The following ZNF536 variants were observed in gnomAD, a reference collection of about 807,000 sequenced individuals.
The protein encoded by ZNF536 is zinc finger protein 536.
In ZNF536, 13 loss-of-function variants were observed where a neutral mutation model predicts 84.5. The observed-to-expected ratio is 0.15, with a 90% CI of 0.10 to 0.24. ZNF536 has a LOEUF of 0.24. Ranked by LOEUF, ZNF536 falls within the 10% of genes least tolerant of loss-of-function variation. The pLI, the probability that ZNF536 is intolerant of heterozygous loss-of-function variation, is 1.00. For synonymous variants in ZNF536, 811 were observed against 742.5 expected, an observed-to-expected ratio of 1.09 and a Z score of -1.50; for missense variants, 1,536 against 1,747.5, an observed-to-expected ratio of 0.88 and a Z score of 2.16.
chr19:30,524,606 G>A (rs2044499194), intron 2 of ZNF536, among the ~76,000 whole-genome samples: 1 of 152,166 alleles, frequency 6.6e-6, no homozygotes, highest in Non-Finnish European at 1.5e-5. Flanking sequence ...AAGTTATAGT[G>A]ACTGACCAAA....
intron 1 of ZNF536, among the ~76,000 whole-genome samples, chr19:30,422,205 T>G (rs1309316737): frequency 1.3e-5 from 2 of 152,130 alleles, no homozygotes; most frequent in African/African-American, 4.8e-5. Context: ...CCTTAGCTAC[T>G]GGAGAGTTTA....
chr19:30,308,499 G>A (rs1234646233), intron 2 of ZNF536, among the ~76,000 whole-genome samples: 12 of 152,130 alleles, frequency 7.9e-5, no homozygotes, highest in Non-Finnish European at 2.9e-5. Context: ...TCTAGCTGGA[G>A]AGAAATTCTT....
intron 2 of ZNF536, among the ~76,000 whole-genome samples, chr19:30,501,183 T>C (rs2054936023): frequency 6.6e-6 from 1 of 152,228 alleles, no homozygotes; most frequent in Admixed American, 6.5e-5. Flanking sequence ...TGCCCATATT[T>C]ACTAAAAGCT....
At chr19:30,474,749 A>C (rs2144706118) in intron 2 of ZNF536, among the ~76,000 whole-genome samples, 1 of 152,338 alleles carries the variant, frequency 6.6e-6, no homozygotes, top group East Asian at 1.9e-4. Context: ...ATTCATCATC[A>C]GTCATCATTA....
chr19:30,539,332 G>C (rs1463750638), intron 3 of ZNF536, among the ~76,000 whole-genome samples: 2 of 152,114 alleles, frequency 1.3e-5, no homozygotes, highest in Non-Finnish European at 2.9e-5. Context: ...ACTCCCCCTT[G>C]CTCAGCCTTT....
chr19:30,577,361 T>C (rs1171788995), intron 1 of ZNF536, among the ~76,000 whole-genome samples: 1 of 152,170 alleles, frequency 6.6e-6, no homozygotes, highest in African/African-American at 2.4e-5. Flanking sequence ...GCCAGCCTGG[T>C]GTTCTTGGGG....
At chr19:30,229,794 C>T (rs2022895937) in intron 1 of ZNF536, among the ~76,000 whole-genome samples, 1 of 152,162 alleles carries the variant, frequency 6.6e-6, no homozygotes, top group Non-Finnish European at 1.5e-5. Context: ...AATGCAGAAC[C>T]GCCGAGCCCT....
chr19:30,225,725 C>A (rs1371695651), upstream of ZNF536, among the ~76,000 whole-genome samples: 1 of 58,954 alleles, frequency 1.7e-5, no homozygotes, highest in Non-Finnish European at 3.2e-5. Context: ...GTGCGGGGGG[C>A]GCGGCGCGGG....
At position 30,570,928 on chromosome 19, in the gene ZNF536, C is replaced by T. The variant is rs184566245; in HGVS notation, c.169+21414C>T. On this transcript the variant is annotated intron_variant, in intron 1 of 1. Transcript: ENST00000592773. ...TGCCCAATTACTCCCCAATAAAACA[C>T]CCTCTTATTTCTGGGAGTTATCAAA... 3.9e-5 allele frequency among the ~76,000 whole-genome samples: 6 copies of T among 152,196 alleles called. 1 individual carries two copies. In the East Asian group the frequency reaches 1.2e-3, roughly 29 times the overall value.
At chr19:30,296,351 G>C (rs2045995915) in intron 2 of ZNF536, 1 of 152,220 alleles carries the variant, frequency 6.6e-6, no homozygotes, top group Non-Finnish European at 1.5e-5. Flanking sequence ...CCACTACCTG[G>C]GCCAGGTGAC....
At chr19:30,530,357 T>C (rs979232685) in intron 2 of ZNF536, among the ~76,000 whole-genome samples, 8 of 152,150 alleles carry the variant, frequency 5.3e-5, no homozygotes, top group African/African-American at 1.9e-4. Context: ...TTGTTGTTGT[T>C]GTTTTTGAGA....
At chr19:30,580,045 G>A (rs2046866036) in intron 1 of ZNF536, among the ~76,000 whole-genome samples, 2 of 152,290 alleles carry the variant, frequency 1.3e-5, no homozygotes, top group South Asian at 4.1e-4. Context: ...GAGTCTGAAA[G>A]CCCCTGGCCT....
At chr19:30,446,841 A>ACACCAC (rs150427729) in intron 2 of ZNF536, among the ~76,000 whole-genome samples, 1 of 147,070 alleles carries the variant, frequency 6.8e-6, no homozygotes, top group African/African-American at 2.5e-5. Flanking sequence ...AACAACAACA[A>ACACCAC]AACACGCTAG....
chr19:30,264,219 T>G (rs2025377152), intron 1 of ZNF536, among the ~76,000 whole-genome samples: 1 of 152,126 alleles, frequency 6.6e-6, no homozygotes, highest in Non-Finnish European at 1.5e-5. Context: ...CCATCAGTAT[T>G]CTATAATTCA....
chr19:30,566,840 G>T lies in ZNF536; in HGVS notation c.169+17326G>T, dbSNP rs192240274. Among the ~76,000 whole-genome samples the T allele has an allele frequency of 5.3e-4, 81 of 151,884 alleles. 2 individuals are homozygous for T. The East Asian group carries it at 0.014, about 26-fold the overall frequency. On this transcript the variant is annotated intron_variant, in intron 1 of 1. Transcript: ENST00000592773. ...CATGTGGCCTCTCCGGGTAGTGGGG[G>T]TCCCTGCATGTGGCCTCTTTGGGTA...
chr19:30,562,835 A>G (rs568253278), downstream of ZNF536, among the ~76,000 whole-genome samples: 6 of 151,892 alleles, frequency 4.0e-5, no homozygotes, highest in African/African-American at 1.4e-4. Context: ...CCACTTTTCC[A>G]TCCTGAGAAT....
upstream of ZNF536, among the ~76,000 whole-genome samples, chr19:30,371,836 G>GTA (rs1378670368): frequency 6.6e-6 from 1 of 151,238 alleles, no homozygotes; most frequent in African/African-American, 2.4e-5. Flanking sequence ...ATGTGTGTGT[G>GTA]TATATATATA....
chr19:30,502,924 A>G (rs1889971184), intron 2 of ZNF536, among the ~76,000 whole-genome samples: 1 of 152,134 alleles, frequency 6.6e-6, no homozygotes, highest in African/African-American at 2.4e-5. Flanking sequence ...ATAAACAGAA[A>G]CACAGGGAGA....
intron 1 of ZNF536, among the ~76,000 whole-genome samples, chr19:30,653,408 A>G (rs563036709): frequency 6.6e-6 from 1 of 152,276 alleles, no homozygotes; most frequent in South Asian, 2.1e-4. Flanking sequence ...CTATGAGTGC[A>G]ATGAAACTTG....
Sources: gnomAD v4.1 joint callset for allele counts (sites outside exome capture counted in the v4.1 genomes callset) on GRCh38, gnomAD v4.1.1 for gene constraint, MANE v1.5 for transcripts, NCBI Gene and HGNC (gene_info 2026-07-23, HGNC 2026-07-21) for gene names.